The following ZMYND8 variants were observed in gnomAD, a reference collection of about 807,000 sequenced individuals.
ZMYND8 encodes the protein MYND-type zinc finger-containing chromatin reader ZMYND8.
In ZMYND8, 37 loss-of-function variants were observed where a neutral mutation model predicts 140.8. That is an observed-to-expected ratio of 0.26 (90% CI 0.20 to 0.35). ZMYND8 has a LOEUF of 0.35. ZMYND8 is among the 10% of genes least tolerant of loss of function. The pLI, the probability that ZMYND8 is intolerant of heterozygous loss-of-function variation, is 1.00. For missense variants in ZMYND8, 1,068 were observed against 1,570.0 expected (o/e 0.68, Z 5.40); for synonymous variants, 592 against 597.1 (o/e 0.99, Z 0.12).
At position 47,262,269 on chromosome 20, in the gene ZMYND8, G is replaced by A. The variant is rs199766263; in HGVS notation, c.1621+19C>T. Reference sequence around the variant, plus strand: ...TCCACAGTTGCCACAGAAAGATACTGGCAAAAATTCTGACTGACCCAGGTT... The same window carrying A: ...TCCACAGTTGCCACAGAAAGATACTAGCAAAAATTCTGACTGACCCAGGTT... On this transcript the variant is annotated intron_variant, in intron 12 of 22. Coordinates refer to ENST00000471951, the MANE Select transcript of ZMYND8 (RefSeq NM_001281775.3). The A allele has an allele frequency of 4.6e-5, 74 of 1,614,054 alleles. No homozygotes were observed. In the African/African-American group the frequency reaches 9.3e-4, roughly 20 times the overall value.
At chr20:47,213,860 T>C (rs1209688433) in intron 21 of ZMYND8, among the ~76,000 whole-genome samples, 1 of 152,210 alleles carries the variant, frequency 6.6e-6, no homozygotes, top group East Asian at 1.9e-4. Flanking sequence ...GCCAAGTACA[T>C]TATTTATTAG....
At chr20:47,299,716 TG>T (rs1474441130) in intron 3 of ZMYND8, among the ~76,000 whole-genome samples, 2 of 152,214 alleles carry the variant, frequency 1.3e-5, no homozygotes, top group Non-Finnish European at 2.9e-5. Context: ...CCTGAGTAGC[TG>T]GGACTACAGG....
intron 8 of ZMYND8, among the ~76,000 whole-genome samples, chr20:47,284,273 A>C (rs2076786405): frequency 6.6e-6 from 1 of 152,070 alleles, no homozygotes; most frequent in Non-Finnish European, 1.5e-5. Context: ...CCCCTGCTTA[A>C]AAGCCCCCAG....
intron 14 of ZMYND8, among the ~76,000 whole-genome samples, chr20:47,241,153 G>A (rs1416130607): frequency 6.6e-6 from 1 of 151,798 alleles, no homozygotes; most frequent in Non-Finnish European, 1.5e-5. Flanking sequence ...AAATTAGCCG[G>A]GCATGGTGGT....
intron 3 of ZMYND8, among the ~76,000 whole-genome samples, chr20:47,308,279 T>C (rs1357203293): frequency 6.7e-6 from 1 of 149,576 alleles, no homozygotes; most frequent in East Asian, 2.0e-4. Context: ...AGTGCAATTA[T>C]ATGATCTCAG....
intron 11 of ZMYND8, 115 bp downstream of exon 11, chr20:47,276,199 C>G: frequency 7.4e-7 from 1 of 1,347,296 alleles, no homozygotes; most frequent in Non-Finnish European, 9.6e-7. Flanking sequence ...TCTGTGGCCC[C>G]CTACAGTTCC....
chr20:47,276,804 G>A lies in ZMYND8; in HGVS notation c.999-9C>T. 6.3e-7 allele frequency: 1 copy of A among 1,585,536 alleles called. No homozygotes were observed. The highest frequency in any genetic ancestry group is 1.1e-5 in the South Asian group (1 of 87,790). On this transcript the variant is annotated splice_polypyrimidine_tract_variant and intron_variant, in intron 10 of 22. Transcript: ENST00000471951. The stretch of plus-strand genomic sequence containing the variant: ...TTATTGGAACCCAGGCCCTAGAAGG[G>A]CAAAAGATAAAGAGAGTTTAAGTCA...
At chr20:47,317,680 G>C (rs2079520748) in intron 2 of ZMYND8, among the ~76,000 whole-genome samples, 1 of 152,172 alleles carries the variant, frequency 6.6e-6, no homozygotes, top group South Asian at 2.1e-4. Context: ...TGCTTAGCTG[G>C]GTCCCGGGCA....
intron 1 of ZMYND8, among the ~76,000 whole-genome samples, chr20:47,352,150 G>A (rs2082837827): frequency 6.6e-6 from 1 of 152,174 alleles, no homozygotes; most frequent in Non-Finnish European, 1.5e-5. Context: ...TTCCCAGGGA[G>A]CAGCCTGGGG....
At chr20:47,295,051 T>C (rs1244283242) in intron 4 of ZMYND8, among the ~76,000 whole-genome samples, 1 of 152,212 alleles carries the variant, frequency 6.6e-6, no homozygotes, top group Non-Finnish European at 1.5e-5. Flanking sequence ...AACAGGGGCC[T>C]GAAAAATCAT....
intron 17 of ZMYND8, 84 bp downstream of exon 17, chr20:47,229,642 C>T: frequency 1.5e-6 from 2 of 1,355,722 alleles, no homozygotes; most frequent in Non-Finnish European, 2.1e-6. Flanking sequence ...GAGGGGTTTC[C>T]AGAGAAGCTT....
At chr20:47,215,121 C>T (rs531260586) in intron 21 of ZMYND8, among the ~76,000 whole-genome samples, 6 of 152,250 alleles carry the variant, frequency 3.9e-5, no homozygotes, top group Non-Finnish European at 7.4e-5. Flanking sequence ...GCCTGTAATC[C>T]AAGCAGTCTG....
At chr20:47,345,038 A>G (rs906079866) in intron 2 of ZMYND8, among the ~76,000 whole-genome samples, 5 of 152,122 alleles carry the variant, frequency 3.3e-5, no homozygotes, top group African/African-American at 1.2e-4. Flanking sequence ...AGATAGCTTG[A>G]GCCCAGGAGA....
At chr20:47,231,049 C>A (rs1362535497) in intron 16 of ZMYND8, among the ~76,000 whole-genome samples, 1 of 152,194 alleles carries the variant, frequency 6.6e-6, no homozygotes, top group East Asian at 1.9e-4. Context: ...ATTTTAATGC[C>A]TTCAGTCAGG....
chr20:47,260,507 G>A (rs2147528173), intron 12 of ZMYND8, among the ~76,000 whole-genome samples: 1 of 151,972 alleles, frequency 6.6e-6, no homozygotes, highest in Admixed American at 6.5e-5. Context: ...CCTAACCCTA[G>A]AGCCTTTAAA....
intron 4 of ZMYND8, among the ~76,000 whole-genome samples, chr20:47,295,000 T>C (rs1368521365): frequency 2.6e-5 from 4 of 152,244 alleles, no homozygotes; most frequent in Admixed American, 6.5e-5. Flanking sequence ...GAAGCATTTT[T>C]AGCTCAGGAA....
intron 2 of ZMYND8, among the ~76,000 whole-genome samples, chr20:47,333,074 C>G (rs1391338552): frequency 6.6e-6 from 1 of 152,116 alleles, no homozygotes; most frequent in South Asian, 2.1e-4. Context: ...AGGTCACACA[C>G]AGTGGCTCAT....
intron 16 of ZMYND8, among the ~76,000 whole-genome samples, chr20:47,230,593 T>G (rs780306594): frequency 3.0e-4 from 46 of 152,122 alleles, no homozygotes; most frequent in Non-Finnish European, 5.6e-4. Context: ...CAGATGTCTT[T>G]TATTTGCCCA....
At chr20:47,331,801 A>G (rs2080969094) in intron 2 of ZMYND8, among the ~76,000 whole-genome samples, 1 of 152,188 alleles carries the variant, frequency 6.6e-6, no homozygotes, top group Non-Finnish European at 1.5e-5. Context: ...TCCCCTGGAA[A>G]AGGCAACACA....
Sources: allele counts gnomAD v4.1 joint callset (sites outside exome capture counted in the v4.1 genomes callset), GRCh38; gene constraint gnomAD v4.1.1; transcripts MANE v1.5; gene names NCBI Gene and HGNC (gene_info 2026-07-23, HGNC 2026-07-21).